The following POLR2B variants were observed in gnomAD, a reference collection of about 807,000 sequenced individuals.
POLR2B encodes the protein RNA polymerase II subunit B.
POLR2B carries 57 observed loss-of-function variants against 144.6 expected under a neutral mutation model. The observed-to-expected ratio is 0.39, with a 90% confidence interval of 0.32 to 0.49. The LOEUF (loss-of-function observed/expected upper bound fraction) is 0.49. POLR2B is among the 20% of genes least tolerant of loss of function. The pLI is 0.83. For missense variants in POLR2B, 595 were observed against 1,467.4 expected (o/e 0.41, Z 9.71); for synonymous variants, 442 against 469.8 (o/e 0.94, Z 0.77).
Position 57,015,494 on chromosome 4 carries a change from A to G in POLR2B, c.1801-8A>G, listed in dbSNP as rs755936207. 6.7e-6 allele frequency: 9 copies of G among 1,340,028 alleles called. No individual in the cohort carries two copies. The South Asian group carries it at 2.0e-4, about 30-fold the overall frequency. The allele number at this position is 1,340,028 out of a possible 1,614,324, so 83.0% of individuals were successfully genotyped here. ...ATTTGTGGAACTGTTTTTTCTTTTT[A>G]TATGTAGGTTTCTATGATCAGAGAT... On this transcript the variant is annotated splice_region_variant and splice_polypyrimidine_tract_variant and intron_variant, in intron 13 of 24. Coordinates refer to ENST00000314595, the MANE Select transcript of POLR2B (RefSeq NM_000938.3).
chr4:56,984,140 T>C (rs950675269), intron 1 of POLR2B, among the ~76,000 whole-genome samples: 5 of 152,224 alleles, frequency 3.3e-5, no homozygotes, highest in African/African-American at 9.6e-5. Flanking sequence ...GTTGGGATTA[T>C]AGGTGTGAGC....
intron 1 of POLR2B, among the ~76,000 whole-genome samples, chr4:56,983,870 CTTT>C (rs371798004): frequency 2.9e-5 from 4 of 140,048 alleles, no homozygotes; most frequent in Admixed American, 7.2e-5. Flanking sequence ...ATTCATATCA[CTTT>C]TTTTTTTTTT....
chr4:56,985,378 G>C (rs1722288474), intron 1 of POLR2B: 4 of 985,176 alleles, frequency 4.1e-6, no homozygotes, highest in Non-Finnish European at 4.8e-6. Context: ...GCGAGGGACG[G>C]GCGGCGGGCT....
chr4:56,990,888 T>C lies in POLR2B; in HGVS notation c.233T>C (p.Val78Ala), dbSNP rs1262883390. 3 of 1,611,288 alleles carry C rather than the reference T, an allele frequency of 1.9e-6. No individual in the cohort carries two copies. The highest frequency in any genetic ancestry group is 2.5e-6 in the Non-Finnish European group (3 of 1,179,242). The change falls in exon 3 of 25, where the codon GTT becomes GCT. Residue 78 changes from valine (V) to alanine (A), a missense_variant. Transcript: ENST00000314595. ...QAEAQHASGEVEEPPRYLLKF... is the reference protein window; with the variant it reads ...QAEAQHASGEAEEPPRYLLKF... ...GAAGCTCAGCATGCTAGTGGAGAAG[T>C]TGAAGAACCGGTAAGATAGTTCTAA...
intron 2 of POLR2B, among the ~76,000 whole-genome samples, chr4:56,990,340 C>G (rs1722475765): frequency 6.6e-6 from 1 of 152,096 alleles, no homozygotes; most frequent in Non-Finnish European, 1.5e-5. Context: ...ATCCCCCTAC[C>G]TCATCCTCTT....
In POLR2B at chr4:56,978,920, G is replaced by C; in HGVS notation, c.-66G>C. 2.0e-6 allele frequency: 3 copies of C among 1,498,430 alleles called. No homozygotes were observed. 92.8% of individuals were successfully genotyped at this position (1,498,430 alleles called of 1,614,324 possible). On this transcript the variant is annotated 5_prime_UTR_variant, in exon 1 of 25. Coordinates refer to ENST00000314595, the MANE Select transcript of POLR2B (RefSeq NM_000938.3). ...TACTTCGTCTTTAGCTCCTGGCGCT[G>C]CTGGCTTCTGGGCGGTTTTTGTCTT...
rs1306603906 is a variant in POLR2B, at chr4:56,994,686, C to T, written c.396C>T (p.Val132=). The T allele has an allele frequency of 1.2e-6, 2 of 1,613,096 alleles. No individual in the cohort carries two copies. Among genetic ancestry groups the T allele is most frequent in the Admixed American group, 1.7e-5 (1 of 60,012 alleles). ...APLYVDITKT[V]IKEGEEQLQT... ...TTTATGTTGATATAACAAAAACAGT[C>T]ATTAAAGAAGGTGAAGAACAACTTC... The change falls in exon 5 of 25, where the codon GTC becomes GTT. Residue 132 remains valine, a synonymous_variant. Coordinates refer to ENST00000314595, the MANE Select transcript of POLR2B (RefSeq NM_000938.3).
In POLR2B at chr4:57,005,582, C is replaced by CTT. The variant is rs367918481; in HGVS notation, c.1098-6_1098-5dup. The CTT allele has an allele frequency of 0.14, 187,981 of 1,316,172 alleles. 3,196 individuals carry two copies. Among genetic ancestry groups the CTT allele is most frequent in the East Asian group, 0.33 (12,751 of 38,916 alleles). 81.5% of individuals were successfully genotyped at this position (1,316,172 alleles called of 1,614,324 possible). On this transcript the variant is annotated splice_polypyrimidine_tract_variant and intron_variant, in intron 8 of 24. Coordinates refer to ENST00000314595, the MANE Select transcript of POLR2B (RefSeq NM_000938.3). Reference sequence around the variant, plus strand: ...AAGTGTTTTCCCTCTTTCTTTCTTTCTTTTTTTTTTTTTAAAGATACATGG... The same window carrying CTT: ...AAGTGTTTTCCCTCTTTCTTTCTTTCTTTTTTTTTTTTTTTAAAGATACATGG...
At chr4:57,027,054 G>A (rs1723744802) in intron 23 of POLR2B, among the ~76,000 whole-genome samples, 1 of 152,062 alleles carries the variant, frequency 6.6e-6, no homozygotes, top group South Asian at 2.1e-4. Context: ...TGTCACCCAG[G>A]CTGGAGTGCA....
chr4:57,024,137 A>G, intron 21 of POLR2B, 25 bp downstream of exon 21: 1 of 1,214,474 alleles, frequency 8.2e-7, no homozygotes, highest in Non-Finnish European at 1.2e-6. Flanking sequence ...TCAAAAATAT[A>G]GATTCTAAGC....
At chr4:57,011,534 T>TAAAAAA (rs1253013313) in intron 13 of POLR2B, among the ~76,000 whole-genome samples, 1 of 144,026 alleles carries the variant, frequency 6.9e-6, no homozygotes, top group Non-Finnish European at 1.5e-5. Flanking sequence ...TCTCAAAAAA[T>TAAAAAA]AAAAAAAAGC....
At chr4:57,030,703 T>C in intron 24 of POLR2B, 196 bp from the exon 25 acceptor site, 1 of 565,768 alleles carries the variant, frequency 1.8e-6, no homozygotes. Flanking sequence ...ATATAAATTA[T>C]GTCTGGCAGA....
Position 57,017,386 on chromosome 4 carries a change from C to A in POLR2B, c.2154+145C>A. 1 of 788,462 alleles carries A rather than the reference C, an allele frequency of 1.3e-6. No individual in the cohort carries two copies. The highest frequency in any genetic ancestry group is 2.1e-6 in the Non-Finnish European group (1 of 482,760). 48.8% of individuals were successfully genotyped at this position (788,462 alleles called of 1,614,324 possible). ...ACGGAATCAGTATTTGATATAATTGCTGTTGTGTTTCATGGTTAAGAGCCG... is the reference window on the plus strand; with the variant it reads ...ACGGAATCAGTATTTGATATAATTGATGTTGTGTTTCATGGTTAAGAGCCG... On this transcript the variant is annotated intron_variant, in intron 15 of 24. Coordinates refer to ENST00000314595, the MANE Select transcript of POLR2B (RefSeq NM_000938.3). This position sits in a 1 kb window ranked among gnomAD's most constrained non-coding sequence, Gnocchi z 4.8.
chr4:57,012,015 G>A (rs1196872084), intron 13 of POLR2B, among the ~76,000 whole-genome samples: 1 of 152,120 alleles, frequency 6.6e-6, no homozygotes, highest in Non-Finnish European at 1.5e-5. Context: ...TTTGAATCCA[G>A]AGATTCATTA....
At chr4:56,980,517 T>G in intron 1 of POLR2B, among the ~76,000 whole-genome samples, 1 of 151,500 alleles carries the variant, frequency 6.6e-6, no homozygotes, top group African/African-American at 2.4e-5. Context: ...AGCTCAGGAG[T>G]TCGAGAGCAG....
chr4:57,028,810 T>C (rs1332294925), intron 23 of POLR2B, among the ~76,000 whole-genome samples: 2 of 152,216 alleles, frequency 1.3e-5, no homozygotes, highest in African/African-American at 4.8e-5. Flanking sequence ...AGTACCTCCT[T>C]AGTATTAAAT....
rs116269586 is a variant in POLR2B, at chr4:57,005,816, C to T, written c.1217+97C>T. 445 of 1,085,132 alleles carry T rather than the reference C, an allele frequency of 4.1e-4. 2 individuals carry two copies. The African/African-American group carries it at 6.1e-3, about 15-fold the overall frequency. The allele number at this position is 1,085,132 out of a possible 1,614,324, so 67.2% of individuals were successfully genotyped here. On this transcript the variant is annotated intron_variant, in intron 9 of 24. Coordinates refer to ENST00000314595, the MANE Select transcript of POLR2B (RefSeq NM_000938.3). ...CCAGGCTAAACTGTGTTGGCATCCACGTTGGGTACTTATGAAATTAGCTAC... is the reference window on the plus strand; with the variant it reads ...CCAGGCTAAACTGTGTTGGCATCCATGTTGGGTACTTATGAAATTAGCTAC...
intron 13 of POLR2B, among the ~76,000 whole-genome samples, chr4:57,013,197 G>A (rs1003609571): frequency 6.6e-6 from 1 of 152,120 alleles, no homozygotes; most frequent in Admixed American, 6.5e-5. Flanking sequence ...GGCTGGTCTT[G>A]AAGTCCTGGG....
At chr4:57,014,504 C>CTTTTT (rs773847681) in intron 13 of POLR2B, among the ~76,000 whole-genome samples, 2 of 66,656 alleles carry the variant, frequency 3.0e-5, no homozygotes, top group Non-Finnish European at 3.1e-5. Context: ...CTTTTTTTTT[C>CTTTTT]TTTTTTTTTT....
Sources: allele counts gnomAD v4.1 joint callset (sites outside exome capture counted in the v4.1 genomes callset), GRCh38; gene constraint gnomAD v4.1.1; non-coding constraint Gnocchi (gnomAD v3.1); transcripts MANE v1.5; gene names NCBI Gene and HGNC (gene_info 2026-07-23, HGNC 2026-07-21).